The following KIF15 variants were observed in gnomAD, a reference collection of about 807,000 sequenced individuals.
The protein encoded by KIF15 is kinesin family member 15, also known as kinesin-like protein KIF15.
Under a neutral mutation model 190.6 loss-of-function variants are expected in KIF15, and 140 were observed. The ratio of observed to expected loss-of-function variants is 0.73; its 90% CI spans 0.64 to 0.84. The LOEUF is 0.84. KIF15 is among the 40% of genes least tolerant of loss of function. The probability of loss-of-function intolerance (pLI) is 0.00; values close to 1 mark genes in which losing one functional copy is unlikely to be tolerated. For missense variants in KIF15, 1,372 were observed against 1,584.4 expected (o/e 0.87, Z 2.28); for synonymous variants, 528 against 551.3 (o/e 0.96, Z 0.59).
chr3:44,826,190 G>A lies in KIF15; in HGVS notation c.2700+1G>A, dbSNP rs746593545. 3 of 1,575,972 alleles carry A rather than the reference G, an allele frequency of 1.9e-6. No individual in the cohort carries two copies. The highest frequency in any genetic ancestry group is 2.4e-5 in the South Asian group (2 of 83,952). On this transcript the variant is annotated splice_donor_variant, in intron 21 of 34. Coordinates refer to ENST00000326047, the MANE Select transcript of KIF15 (RefSeq NM_020242.3). LOFTEE classifies it high-confidence loss of function. ...TGAAACTCTGAAATCTGATCTGAAT[G>A]TATGTTAAGAAGGGTGAATTTGTCC...
intron 16 of KIF15, 101 bp downstream of exon 16, chr3:44,806,087 C>A: frequency 1.5e-6 from 2 of 1,304,646 alleles, no homozygotes; most frequent in Non-Finnish European, 1.1e-6. Flanking sequence ...CAGATGACAT[C>A]CCATGCAGGT....
At chr3:44,802,373 A>C (rs1164054966) in intron 13 of KIF15, among the ~76,000 whole-genome samples, 1 of 152,206 alleles carries the variant, frequency 6.6e-6, no homozygotes, top group Non-Finnish European at 1.5e-5. Flanking sequence ...CTTCTTGTTT[A>C]TCTCTCTGGA....
intron 16 of KIF15, among the ~76,000 whole-genome samples, chr3:44,807,673 A>G (rs764807540): frequency 6.6e-6 from 1 of 151,910 alleles, no homozygotes; most frequent in Non-Finnish European, 1.5e-5. Context: ...GGCATAACAT[A>G]CACATCATTC....
At chr3:44,832,996 C>A (rs926082716) in intron 26 of KIF15, among the ~76,000 whole-genome samples, 1 of 115,920 alleles carries the variant, frequency 8.6e-6, no homozygotes, top group Non-Finnish European at 1.7e-5. Context: ...GGTGACAGAT[C>A]GAGACTCCAT....
chr3:44,823,869 A>G (rs1333336552), intron 20 of KIF15, among the ~76,000 whole-genome samples: 1 of 152,146 alleles, frequency 6.6e-6, no homozygotes, highest in Admixed American at 6.5e-5. Context: ...ACCATTGGAA[A>G]AGCTCAGTAT....
rs1559546597 is a variant in KIF15 at position 44,801,861 on chromosome 3, CA to C, written c.1399del (p.Ile467Ter). The C allele has an allele frequency of 6.2e-7, 1 of 1,612,346 alleles. No homozygotes were observed. The highest frequency in any genetic ancestry group is 2.2e-5 in the East Asian group (1 of 44,864). On this transcript the variant is annotated frameshift_variant, in exon 13 of 35. Transcript: ENST00000326047. LOFTEE classifies it high-confidence loss of function. ...AATGATTGTGAAATTCCGAGAGGAT[CA>C]AATAATACGCTTGGAAAAGCTCCAC... ...NKMIVKFREDQIIRLEKLHKE... is the reference protein window; with the variant it reads ...NKMIVKFREDXIIRLEKLHKE...
At chr3:44,856,245 G>A (rs995373149), downstream of KIF15, among the ~76,000 whole-genome samples, 2 of 152,308 alleles carry the variant, frequency 1.3e-5, no homozygotes, top group East Asian at 3.9e-4. Context: ...CTGACTCGGG[G>A]CATGTGAGTA....
chr3:44,778,434 T>C (rs1371466246), intron 4 of KIF15, among the ~76,000 whole-genome samples: 1 of 152,214 alleles, frequency 6.6e-6, no homozygotes, highest in Non-Finnish European at 1.5e-5. Flanking sequence ...TTTCAGCTGC[T>C]AGAGGCCACC....
intron 20 of KIF15, among the ~76,000 whole-genome samples, chr3:44,816,512 T>C (rs1039524121): frequency 1.3e-5 from 2 of 152,182 alleles, no homozygotes; most frequent in Admixed American, 6.5e-5. Context: ...GTCCTTGTGA[T>C]AGTTTGCTGA....
At chr3:44,800,824 G>C (rs1461961537) in intron 11 of KIF15, among the ~76,000 whole-genome samples, 12 of 152,112 alleles carry the variant, frequency 7.9e-5, no homozygotes, top group Admixed American at 6.5e-4. Flanking sequence ...ATTATTAACA[G>C]ATCTTAAGAG....
intron 32 of KIF15, among the ~76,000 whole-genome samples, chr3:44,851,338 A>T (rs17076985): frequency 0.019 from 2,838 of 152,334 alleles, 75 homozygotes; most frequent in African/African-American, 0.063. Context: ...TTATAAAGTC[A>T]GTGAAATGTA....
rs1024643139 is a variant in KIF15 at position 44,851,995 on chromosome 3, A to C, written c.3972+43A>C. 10 of 1,575,182 alleles carry C rather than the reference A, an allele frequency of 6.3e-6. No individual in the cohort carries two copies. The African/African-American group carries it at 1.4e-4, about 21-fold the overall frequency. ...TGTTTTCATGATACTTAGAACACTC[A>C]AATGAATAGAACTAATTAGCGTAAA... On this transcript the variant is annotated intron_variant, in intron 33 of 34. Transcript: ENST00000326047.
intron 6 of KIF15, chr3:44,865,295 C>G: frequency 1.4e-6 from 2 of 1,416,576 alleles, no homozygotes; most frequent in Non-Finnish European, 1.9e-6. Context: ...GACCATCAGC[C>G]AAGGGAAGCA....
chr3:44,848,093 C>A, intron 31 of KIF15, 36 bp downstream of exon 31: 2 of 1,232,296 alleles, frequency 1.6e-6, no homozygotes, highest in South Asian at 1.3e-5. Flanking sequence ...TTCTTCTTGT[C>A]TGAGCAATGC....
At chr3:44,780,688 A>G (rs1322208929) in intron 4 of KIF15, among the ~76,000 whole-genome samples, 197 bp from the exon 5 acceptor site, 1 of 152,228 alleles carries the variant, frequency 6.6e-6, no homozygotes, top group Non-Finnish European at 1.5e-5. Flanking sequence ...AGCATTTGCC[A>G]ATTAACAGCA....
At chr3:44,865,001 G>T (rs752003346) in intron 6 of KIF15, 2 of 1,609,878 alleles carry the variant, frequency 1.2e-6, no homozygotes, top group Non-Finnish European at 1.7e-6. Flanking sequence ...GTGCCCACCT[G>T]CTGAAGTTGA....
chr3:44,838,173 C>A, intron 26 of KIF15, 102 bp from the exon 27 acceptor site: 1 of 1,247,968 alleles, frequency 8.0e-7, no homozygotes, highest in South Asian at 1.5e-5. Flanking sequence ...TAGGTTTTTA[C>A]ATAAAACTTC....
chr3:44,767,465 A>G (rs1705444907), intron 1 of KIF15, among the ~76,000 whole-genome samples: 2 of 152,322 alleles, frequency 1.3e-5, no homozygotes, highest in South Asian at 4.1e-4. Context: ...AACTGGAAAG[A>G]TGGAGTTAAC....
At chr3:44,797,222 T>C (rs1707030658) in intron 8 of KIF15, among the ~76,000 whole-genome samples, 2 of 152,008 alleles carry the variant, frequency 1.3e-5, no homozygotes, top group Non-Finnish European at 2.9e-5. Flanking sequence ...AGAGATGGGG[T>C]TTTGCCATGT....
Sources: allele counts gnomAD v4.1 joint callset (sites outside exome capture counted in the v4.1 genomes callset), GRCh38; gene constraint gnomAD v4.1.1; transcripts MANE v1.5; gene names NCBI Gene and HGNC (gene_info 2026-07-23, HGNC 2026-07-21).